The following DISP3 variants were observed in gnomAD, a reference collection of about 807,000 sequenced individuals.
The protein encoded by DISP3 is dispatched RND transporter family member 3.
DISP3 carries 101 observed loss-of-function variants against 135.3 expected under a neutral mutation model. The ratio of observed to expected loss-of-function variants is 0.75; its 90% confidence interval spans 0.64 to 0.88. The LOEUF is 0.88. Ranked by LOEUF, DISP3 falls within the 40% of genes least tolerant of loss-of-function variation. DISP3 has a pLI of 0.00. For synonymous variants in DISP3, 856 were observed against 817.0 expected, an observed-to-expected ratio of 1.05 and a Z score of -0.81; for missense variants, 1,713 against 1,878.6, an observed-to-expected ratio of 0.91 and a Z score of 1.63.
At chr1:11,530,568 G>C (rs986064247) in intron 15 of DISP3, among the ~76,000 whole-genome samples, 28 of 152,212 alleles carry the variant, frequency 1.8e-4, no homozygotes, top group Admixed American at 6.5e-5. Flanking sequence ...GAGCAGGGGT[G>C]GGGGGACCAG....
At position 11,502,073 on chromosome 1, in the gene DISP3, C is replaced by T. The variant is rs979165134; in HGVS notation, c.1081C>T (p.Leu361=). The T allele has an allele frequency of 1.3e-6, 2 of 1,565,706 alleles. No homozygotes were observed. The highest frequency in any genetic ancestry group is 1.7e-6 in the Non-Finnish European group (2 of 1,154,702). Residue 361 remains leucine (L), a synonymous_variant, in exon 2 of 21, where the codon CTG becomes TTG. Coordinates refer to ENST00000294484, the MANE Select transcript of DISP3 (RefSeq NM_020780.2). ...CTACTATGACGGCATGGGCCAGGAC[C>T]TGGCGGACATCCGGGGTGAGCCGCC... ...KIYYDGMGQD[L]ADIRGSLELA...
At chr1:11,525,421 G>C in intron 12 of DISP3, 109 bp downstream of exon 12, 1 of 1,320,502 alleles carries the variant, frequency 7.6e-7, no homozygotes, top group Non-Finnish European at 1.0e-6. Flanking sequence ...AAGCAGCTTT[G>C]AGGATGAAGA....
At chr1:11,479,587 C>G (rs948023800) in intron 1 of DISP3, among the ~76,000 whole-genome samples, 1 of 152,206 alleles carries the variant, frequency 6.6e-6, no homozygotes, top group African/African-American at 2.4e-5. Flanking sequence ...TTGCCCTCTA[C>G]GACCGGGCCC....
At position 11,536,291 on chromosome 1, in the gene DISP3, A is replaced by G; in HGVS notation, c.3817-33A>G. On this transcript the variant is annotated intron_variant, in intron 20 of 20. Coordinates refer to ENST00000294484, the MANE Select transcript of DISP3 (RefSeq NM_020780.2). The surrounding 1 kb of genome is among the most constrained non-coding windows in gnomAD (Gnocchi z 4.3). ...TGCTGGCCAGAGGGGTCCCGCAGGC[A>G]GGCTGGGCTCCCAGCTCTCCTCTTG... 1 of 1,578,140 alleles carries G rather than the reference A, an allele frequency of 6.3e-7. No homozygotes were observed.
intron 1 of DISP3, among the ~76,000 whole-genome samples, chr1:11,480,336 C>T (rs572118100): frequency 2.6e-5 from 4 of 152,306 alleles, no homozygotes; most frequent in African/African-American, 7.2e-5. Flanking sequence ...CGCACACTCA[C>T]ACCCATCCAT....
rs1641582170 is a variant in DISP3, at chr1:11,502,666, C to G, written c.1097-12C>G. Reference sequence around the variant, plus strand: ...AGCTGAACTCTTGGGGCCCCCACCCCTGTCCTTGCAGGCTCCCTGGAGCTG... The same window carrying G: ...AGCTGAACTCTTGGGGCCCCCACCCGTGTCCTTGCAGGCTCCCTGGAGCTG... On this transcript the variant is annotated splice_polypyrimidine_tract_variant and intron_variant, in intron 2 of 20. Transcript: ENST00000294484. 5 of 1,611,586 alleles carry G rather than the reference C, an allele frequency of 3.1e-6. No homozygotes were observed. Among genetic ancestry groups the G allele is most frequent in the African/African-American group, 2.7e-5 (2 of 74,864 alleles).
At chr1:11,482,254 G>C (rs575172801) in intron 1 of DISP3, among the ~76,000 whole-genome samples, 1 of 152,292 alleles carries the variant, frequency 6.6e-6, no homozygotes, top group East Asian at 1.9e-4. Flanking sequence ...ACAGAGAAGG[G>C]AACAGCTGAG....
At chr1:11,527,438 AC>A (rs1355196359) in intron 13 of DISP3, among the ~76,000 whole-genome samples, 1 of 151,874 alleles carries the variant, frequency 6.6e-6, no homozygotes, top group Admixed American at 6.6e-5. Flanking sequence ...AATCCCAGCT[AC>A]TCAGGAGGCT....
At position 11,529,595 on chromosome 1, in the gene DISP3, C is replaced by T. The variant is rs763910292; in HGVS notation, c.2838C>T (p.His946=). ...YFAQSHKPPF[H]GRVCMAPPGC... is the part of the protein sequence containing the mutation. The stretch of plus-strand genomic sequence containing the variant: ...CCCAGTCCCACAAGCCCCCCTTCCA[C>T]GGGCGCGTATGCATGGCACCCCCTG... The change falls in exon 14 of 21, where the codon CAC becomes CAT. Residue 946 remains histidine (H), a synonymous_variant. Transcript: ENST00000294484. The surrounding 1 kb of genome is among the most constrained non-coding windows in gnomAD (Gnocchi z 4.7). 3.7e-5 allele frequency: 59 copies of T among 1,601,904 alleles called. No homozygotes were observed. The East Asian group carries it at 6.3e-4, about 17-fold the overall frequency.
At chr1:11,534,158 T>C (rs1009992142) in intron 17 of DISP3, among the ~76,000 whole-genome samples, 1 of 152,248 alleles carries the variant, frequency 6.6e-6, no homozygotes, top group Non-Finnish European at 1.5e-5. Context: ...AAGGGAGTTC[T>C]GGTGGGCAGG....
chr1:11,486,942 G>A (rs2100358874), intron 1 of DISP3, among the ~76,000 whole-genome samples: 2 of 152,348 alleles, frequency 1.3e-5, no homozygotes, highest in East Asian at 3.9e-4. Context: ...GCCTCCCACT[G>A]TGCTGGGGTG....
In DISP3 at chr1:11,486,433, T is replaced by C. The variant is rs374141324; in HGVS notation, c.-4+7061T>C. 3.8e-4 allele frequency among the ~76,000 whole-genome samples: 58 copies of C among 152,268 alleles called. No individual in the cohort carries two copies. In the East Asian group the frequency reaches 8.5e-3, roughly 22 times the overall value. On this transcript the variant is annotated intron_variant, in intron 1 of 20. Transcript: ENST00000294484. ...CCGGGGAAGCTGGGAAAAGGCTGGCTGAGAGTGTGCATTACAAGCTAGTAG... is the reference window on the plus strand; with the variant it reads ...CCGGGGAAGCTGGGAAAAGGCTGGCCGAGAGTGTGCATTACAAGCTAGTAG...
In DISP3 at chr1:11,520,767, C is replaced by T. The variant is rs750426332; in HGVS notation, c.2281C>T (p.Arg761Trp). 31 of 1,613,494 alleles carry T rather than the reference C, an allele frequency of 1.9e-5. No individual in the cohort carries two copies. Among genetic ancestry groups the T allele is most frequent in the South Asian group, 1.3e-4 (12 of 91,080 alleles). Residue 761 changes from arginine (R) to tryptophan (W), a missense_variant, in exon 10 of 21, where the codon CGG becomes TGG. Around this residue, in one of 2 missense-constraint regions of DISP3, gnomAD observed 1,142 missense variants for 1,384.6 expected, o/e 0.82. Transcript: ENST00000294484. This position sits in a 1 kb window ranked among gnomAD's most constrained non-coding sequence, Gnocchi z 4.8. ...CGCCAGCCGGGCCCCGCTACTCTTC[C>T]GGCCTGATACCAACATCCAGGTGCT... is the stretch of plus-strand genomic sequence containing the variant. ...RPASRAPLLF[R>W]PDTNIQVLLD...
Position 11,531,797 on chromosome 1 carries a change from G to C in DISP3, c.3375+87G>C, listed in dbSNP as rs573926399. ...GATCCCAGCCCTCTTCCCAGATCGG[G>C]GGGGAGATGCTGAGGCCCAGAGAGG... On this transcript the variant is annotated intron_variant, in intron 17 of 20. Transcript: ENST00000294484. This position sits in a 1 kb window ranked among gnomAD's most constrained non-coding sequence, Gnocchi z 5.2. 101 of 1,493,270 alleles carry C rather than the reference G, an allele frequency of 6.8e-5. No homozygotes were observed. The highest frequency in any genetic ancestry group is 4.3e-4 in the Admixed American group (19 of 44,298). 92.5% of individuals were successfully genotyped at this position (1,493,270 alleles called of 1,614,324 possible).
At position 11,536,256 on chromosome 1, in the gene DISP3, A is replaced by T; in HGVS notation, c.3817-68A>T. 6.5e-7 allele frequency: 1 copy of T among 1,529,530 alleles called. No homozygotes were observed. Among genetic ancestry groups the T allele is most frequent in the Non-Finnish European group, 8.7e-7 (1 of 1,145,236 alleles). 94.7% of individuals were successfully genotyped at this position (1,529,530 alleles called of 1,614,324 possible). On this transcript the variant is annotated intron_variant, in intron 20 of 20. Transcript: ENST00000294484. The surrounding 1 kb of genome is among the most constrained non-coding windows in gnomAD (Gnocchi z 4.3). Reference sequence around the variant, plus strand: ...ACCTGGCGTGGGGTGGGGGTGCGTGATTCCCCAGGTGCTGGCCAGAGGGGT... The same window carrying T: ...ACCTGGCGTGGGGTGGGGGTGCGTGTTTCCCCAGGTGCTGGCCAGAGGGGT...
rs1642700378 is a variant in DISP3 at position 11,536,114 on chromosome 1, A to G, written c.3817-210A>G. ...CAAATGTGTAAAGATCAACTCAGTT[A>G]CACAGGACCTACTGTGCAGACCCTC... On this transcript the variant is annotated intron_variant, in intron 20 of 20. Coordinates refer to ENST00000294484, the MANE Select transcript of DISP3 (RefSeq NM_020780.2). The surrounding 1 kb of genome is among the most constrained non-coding windows in gnomAD (Gnocchi z 4.3). Among the ~76,000 whole-genome samples, 1 of 152,324 alleles carries G rather than the reference A, an allele frequency of 6.6e-6. No individual in the cohort carries two copies. The highest frequency in any genetic ancestry group is 1.9e-4 in the East Asian group (1 of 5,184).
rs1641947663 is a variant in DISP3 at position 11,514,518 on chromosome 1, C to T, written c.1445C>T (p.Ser482Phe). 1.2e-6 allele frequency: 2 copies of T among 1,613,750 alleles called. No homozygotes were observed. Among genetic ancestry groups the T allele is most frequent in the Admixed American group, 1.7e-5 (1 of 60,012 alleles). ...CIAALVYILT[S>F]CSVFLSFFGI... ...GCTGCCCTGGTCTACATCCTCACCT[C>T]CTGCTCAGGTAGGGCTTCTCTCAAG... Residue 482 changes from serine to phenylalanine, a missense_variant, in exon 4 of 21, where the codon TCC (serine) becomes TTC (phenylalanine). By Grantham distance (155) the Ser-to-Phe change is radical (BLOSUM62 -2). Transcript: ENST00000294484.
At chr1:11,496,927 G>C (rs924026961) in intron 1 of DISP3, among the ~76,000 whole-genome samples, 2 of 152,354 alleles carry the variant, frequency 1.3e-5, no homozygotes, top group East Asian at 3.9e-4. Flanking sequence ...AAAGCTGGTG[G>C]CTGGGCCAGG....
intron 13 of DISP3, among the ~76,000 whole-genome samples, chr1:11,528,945 C>T (rs112864177): frequency 6.6e-5 from 10 of 152,174 alleles, no homozygotes; most frequent in African/African-American, 2.2e-4. Flanking sequence ...GACCCTGACT[C>T]GGGGGTGGGG....
Sources: allele counts gnomAD v4.1 joint callset (sites outside exome capture counted in the v4.1 genomes callset), GRCh38; gene constraint gnomAD v4.1.1; regional missense constraint gnomAD v4.1.1; non-coding constraint Gnocchi (gnomAD v3.1); transcripts MANE v1.5; gene names NCBI Gene and HGNC (gene_info 2026-07-23, HGNC 2026-07-21).